Variants in MYO16 observed in about 807,000 individuals in gnomAD.
MYO16 encodes unconventional myosin-XVI.
MYO16 carries 94 observed loss-of-function variants against 205.3 expected under a neutral mutation model. The ratio of observed to expected loss-of-function variants is 0.46; its 90% CI spans 0.39 to 0.54. The LOEUF is 0.54. Ranked by LOEUF, MYO16 falls within the 20% of genes least tolerant of loss-of-function variation. The pLI, the probability that MYO16 is intolerant of heterozygous loss-of-function variation, is 0.00. For synonymous variants in MYO16, 988 were observed against 954.0 expected, an observed-to-expected ratio of 1.04 and a Z score of -0.66; for missense variants, 2,315 against 2,387.5, an observed-to-expected ratio of 0.97 and a Z score of 0.63.
chr13:108,743,819 C>T lies in MYO16; in HGVS notation c.507+16236C>T, dbSNP rs190338372. On this transcript the variant is annotated intron_variant, in intron 4 of 34. Transcript: ENST00000457511. ...CACATATGGCTTACTTTACATGAAG[C>T]GGCTTACATTGATAGATCAAAATCC... 1.8e-4 allele frequency among the ~76,000 whole-genome samples: 28 copies of T among 152,306 alleles called. 1 individual carries two copies. Among genetic ancestry groups the T allele is most frequent in the Admixed American group, 3.9e-4 (6 of 15,298 alleles).
At chr13:108,496,180 T>C in the MYO16 span, among the ~76,000 whole-genome samples, 1 of 151,934 alleles carries the variant, frequency 6.6e-6, no homozygotes, top group Admixed American at 6.5e-5. Flanking sequence ...TCGCGGGGAC[T>C]TCCCAACCGC....
At chr13:108,869,731 T>C (rs1238431089) in intron 12 of MYO16, among the ~76,000 whole-genome samples, 10 of 67,026 alleles carry the variant, frequency 1.5e-4, no homozygotes, top group African/African-American at 2.1e-4. Flanking sequence ...ACTCCGTTTC[T>C]AAAAAAAAAA....
At chr13:109,109,454 A>C (rs539606343) in intron 28 of MYO16, among the ~76,000 whole-genome samples, 34 of 152,250 alleles carry the variant, frequency 2.2e-4, no homozygotes, top group African/African-American at 7.7e-4. Flanking sequence ...GACCTGATTT[A>C]TGCTTTAAAT....
chr13:109,055,196 T>C lies in MYO16; in HGVS notation c.3129+70T>C, dbSNP rs1001768988. On this transcript the variant is annotated intron_variant, in intron 26 of 34. Coordinates refer to ENST00000457511, the MANE Select transcript of MYO16 (RefSeq NM_001198950.3). This position sits in a 1 kb window ranked among gnomAD's most constrained non-coding sequence, Gnocchi z 5.0. ...GCAACTAAAGAGGGTTTATGTAGAC[T>C]TTTTTTTCCATTTTTGACAACTTAA... 1 of 1,307,304 alleles carries C rather than the reference T, an allele frequency of 7.6e-7. No homozygotes were observed. Among genetic ancestry groups the C allele is most frequent in the Non-Finnish European group, 1.1e-6 (1 of 941,120 alleles). 81.0% of individuals were successfully genotyped at this position (1,307,304 alleles called of 1,614,324 possible). A position where few individuals can be genotyped will look rare whatever the true frequency, so the allele number is the denominator to read the frequency against.
chr13:109,060,909 A>G (rs1032022363), intron 27 of MYO16, among the ~76,000 whole-genome samples: 3 of 152,152 alleles, frequency 2.0e-5, no homozygotes, highest in African/African-American at 7.2e-5. Context: ...ATCAAAGGCT[A>G]TTTCACCTAC....
At chr13:109,113,041 A>T (rs991013538) in intron 28 of MYO16, among the ~76,000 whole-genome samples, 1 of 152,238 alleles carries the variant, frequency 6.6e-6, no homozygotes, top group African/African-American at 2.4e-5. Context: ...AGTGACATGG[A>T]TGTACTACTG....
At chr13:108,615,032 G>T (rs1879302186) in intron 1 of MYO16, among the ~76,000 whole-genome samples, 1 of 151,774 alleles carries the variant, frequency 6.6e-6, no homozygotes, top group Admixed American at 6.6e-5. Context: ...ACATAGAATG[G>T]GAGAAAACAT....
At chr13:108,527,114 A>G in the MYO16 span, among the ~76,000 whole-genome samples, 2 of 152,354 alleles carry the variant, frequency 1.3e-5, no homozygotes, top group South Asian at 2.1e-4. Flanking sequence ...AAAATGGTTC[A>G]TAACTCCAAG....
At chr13:108,619,243 A>G (rs948704895) in intron 1 of MYO16, among the ~76,000 whole-genome samples, 1 of 152,200 alleles carries the variant, frequency 6.6e-6, no homozygotes, top group African/African-American at 2.4e-5. Flanking sequence ...AATTCTTATC[A>G]TATTAGCACC....
At chr13:108,913,085 A>G (rs1370750559) in intron 16 of MYO16, among the ~76,000 whole-genome samples, 1 of 152,308 alleles carries the variant, frequency 6.6e-6, no homozygotes, top group South Asian at 2.1e-4. Context: ...AAAGTCAAAC[A>G]GTCAGGGGTG....
At chr13:108,650,456 A>G (rs563958586) in intron 1 of MYO16, among the ~76,000 whole-genome samples, 39 of 152,308 alleles carry the variant, frequency 2.6e-4, no homozygotes, top group African/African-American at 8.2e-4. Flanking sequence ...TGCCTATTAA[A>G]TACCTTTCTG....
At chr13:109,134,853 C>A (rs117328056) in intron 31 of MYO16, among the ~76,000 whole-genome samples, 1 of 152,128 alleles carries the variant, frequency 6.6e-6, no homozygotes, top group Non-Finnish European at 1.5e-5. Context: ...ACTGTGGTGG[C>A]CAAGGTGTTG....
chr13:108,774,135 G>C (rs1053200094), intron 4 of MYO16, among the ~76,000 whole-genome samples: 1 of 152,024 alleles, frequency 6.6e-6, no homozygotes, highest in African/African-American at 2.4e-5. Flanking sequence ...AATAAAATGT[G>C]AGTATTAATG....
chr13:108,735,975 C>T (rs1884683720), intron 4 of MYO16, among the ~76,000 whole-genome samples: 1 of 122,084 alleles, frequency 8.2e-6, no homozygotes, highest in South Asian at 2.9e-4. Flanking sequence ...CCTTTGCCCA[C>T]TTTTTGATGG....
At chr13:108,689,808 T>A (rs1482767264) in intron 2 of MYO16, among the ~76,000 whole-genome samples, 1 of 152,170 alleles carries the variant, frequency 6.6e-6, no homozygotes, top group Non-Finnish European at 1.5e-5. Context: ...TTTTTCTAGT[T>A]GTTTCATTTC....
chr13:108,780,318 G>A lies in MYO16; in HGVS notation c.508-5317G>A, dbSNP rs571194492. Among the ~76,000 whole-genome samples, 12 of 150,762 alleles carry A rather than the reference G, an allele frequency of 8.0e-5. No individual in the cohort carries two copies. The South Asian group carries it at 2.3e-3, about 29-fold the overall frequency. ...AATCATGGAAGATTGAAGACCATGA[G>A]CTCTCAGGTATGTTAGTCATAAAAT... On this transcript the variant is annotated intron_variant, in intron 4 of 34. Coordinates refer to ENST00000457511, the MANE Select transcript of MYO16 (RefSeq NM_001198950.3).
chr13:108,778,668 C>T (rs575632825), intron 4 of MYO16, among the ~76,000 whole-genome samples: 2 of 152,076 alleles, frequency 1.3e-5, no homozygotes, highest in Non-Finnish European at 2.9e-5. Context: ...CCAGATATTG[C>T]CATTTCAGGT....
chr13:109,002,455 G>GT (rs1885250181), intron 21 of MYO16, among the ~76,000 whole-genome samples: 4 of 152,176 alleles, frequency 2.6e-5, no homozygotes. Context: ...GGGGTGCATA[G>GT]TTTTTATTAG....
chr13:108,601,968 G>C (rs1429065713), intron 1 of MYO16, among the ~76,000 whole-genome samples: 1 of 151,936 alleles, frequency 6.6e-6, no homozygotes, highest in Non-Finnish European at 1.5e-5. Flanking sequence ...TCCCCAGTGT[G>C]GTCATATTAG....
Sources: allele counts gnomAD v4.1 joint callset (sites outside exome capture counted in the v4.1 genomes callset), GRCh38; gene constraint gnomAD v4.1.1; non-coding constraint Gnocchi (gnomAD v3.1); transcripts MANE v1.5; gene names NCBI Gene and HGNC (gene_info 2026-07-23, HGNC 2026-07-21).